STK32B: variants seen among roughly 807,000 people sequenced by gnomAD.
The protein encoded by STK32B is serine/threonine kinase 32B, also known as serine/threonine-protein kinase 32B.
STK32B carries 43 observed loss-of-function variants against 52.6 expected under a neutral mutation model. The ratio of observed to expected loss-of-function variants is 0.82; its 90% CI spans 0.64 to 1.05. The LOEUF (loss-of-function observed/expected upper bound fraction) is 1.05, where lower values mean the gene tolerates loss of function less well. Ranked by LOEUF, STK32B falls within the 50% of genes least tolerant of loss-of-function variation. The pLI is 0.00. For synonymous variants in STK32B, 238 were observed against 204.3 expected, an observed-to-expected ratio of 1.17 and a Z score of -1.41; for missense variants, 621 against 534.6, an observed-to-expected ratio of 1.16 and a Z score of -1.59.
intron 4 of STK32B, among the ~76,000 whole-genome samples, chr4:5,375,050 A>G (rs1042652190): frequency 7.2e-5 from 11 of 152,190 alleles, no homozygotes; most frequent in African/African-American, 2.4e-4. Flanking sequence ...CAAGGAACCA[A>G]TGAACCCGAG....
intron 1 of STK32B, among the ~76,000 whole-genome samples, chr4:5,063,342 A>G (rs1742289091): frequency 6.6e-6 from 1 of 151,968 alleles, no homozygotes; most frequent in Non-Finnish European, 1.5e-5. Context: ...CCCAAAGATT[A>G]TCTTTCTTTT....
chr4:5,269,410 A>G (rs1727272928), intron 3 of STK32B, among the ~76,000 whole-genome samples: 1 of 152,198 alleles, frequency 6.6e-6, no homozygotes, highest in African/African-American at 2.4e-5. Context: ...AGATCAAACT[A>G]TTTCCAACTA....
chr4:5,022,077 C>T, the STK32B span, among the ~76,000 whole-genome samples: 11 of 152,246 alleles, frequency 7.2e-5, no homozygotes, highest in Non-Finnish European at 1.2e-4. Flanking sequence ...GCTTGCCTGC[C>T]GAGCCCAATG....
rs567435253 is a variant in STK32B, at chr4:5,302,151, G to A, written c.261-29069G>A. Among the ~76,000 whole-genome samples, 150 of 151,516 alleles carry A rather than the reference G, an allele frequency of 9.9e-4. 1 individual carries two copies. Among genetic ancestry groups the A allele is most frequent in the African/African-American group, 3.5e-3 (145 of 41,356 alleles). On this transcript the variant is annotated intron_variant, in intron 3 of 11. Coordinates refer to ENST00000282908, the MANE Select transcript of STK32B (RefSeq NM_018401.3). ...TTTGAGTTAAAACAGTCTGATGTAT[G>A]TGTGTATGTGTTTTAGCAACTTTTT...
At chr4:5,164,009 C>T (rs979853770) in intron 2 of STK32B, among the ~76,000 whole-genome samples, 1 of 152,172 alleles carries the variant, frequency 6.6e-6, no homozygotes, top group Non-Finnish European at 1.5e-5. Context: ...CTGGTAGGGC[C>T]GGTTCTGTAG....
At chr4:5,344,804 A>G (rs983364540) in intron 4 of STK32B, among the ~76,000 whole-genome samples, 2 of 152,096 alleles carry the variant, frequency 1.3e-5, no homozygotes, top group Non-Finnish European at 2.9e-5. Flanking sequence ...ATTCAAAGAC[A>G]CTTCGCATTT....
At chr4:5,051,957 C>A (rs752278430) in intron 1 of STK32B, 42 bp downstream of exon 1, 1 of 1,557,324 alleles carries the variant, frequency 6.4e-7, no homozygotes, top group East Asian at 2.4e-5. Context: ...CGCGGGGCAT[C>A]CCCTTCCTCC....
At chr4:5,435,341 T>G (rs182901518) in intron 6 of STK32B, among the ~76,000 whole-genome samples, 1 of 152,292 alleles carries the variant, frequency 6.6e-6, no homozygotes, top group East Asian at 1.9e-4. Context: ...GCTTGATCTG[T>G]TGTTTGCTGT....
chr4:5,395,719 G>A lies in STK32B; in HGVS notation c.435-2488G>A, dbSNP rs1275816724. The stretch of plus-strand genomic sequence containing the variant: ...AAGAGCCAACACAGAAGCAATGTGT[G>A]TTATGTATCAGGTATTTAATCCACA... On this transcript the variant is annotated intron_variant, in intron 4 of 11. Transcript: ENST00000282908. This position sits in a 1 kb window ranked among gnomAD's most constrained non-coding sequence, Gnocchi z 4.4. 6.6e-6 allele frequency among the ~76,000 whole-genome samples: 1 copy of A among 152,240 alleles called. No individual in the cohort carries two copies. The highest frequency in any genetic ancestry group is 1.5e-5 in the Non-Finnish European group (1 of 68,048).
chr4:5,146,506 A>G (rs946502729), intron 2 of STK32B, among the ~76,000 whole-genome samples: 3 of 152,166 alleles, frequency 2.0e-5, no homozygotes, highest in Non-Finnish European at 4.4e-5. Flanking sequence ...TTCTAGCTGG[A>G]CTGGCAGCCG....
chr4:5,280,362 CAT>C (rs1728113939), intron 3 of STK32B, among the ~76,000 whole-genome samples: 1 of 152,126 alleles, frequency 6.6e-6, no homozygotes, highest in Admixed American at 6.5e-5. Context: ...CTTCACTGTC[CAT>C]GTCACTATCA....
intron 3 of STK32B, among the ~76,000 whole-genome samples, chr4:5,274,399 G>A: frequency 6.6e-6 from 1 of 152,118 alleles, no homozygotes; most frequent in African/African-American, 2.4e-5. Flanking sequence ...GGGTAGGGTG[G>A]GACAGACCAT....
chr4:5,347,026 C>G (rs1333630807), intron 4 of STK32B, among the ~76,000 whole-genome samples: 1 of 152,168 alleles, frequency 6.6e-6, no homozygotes, highest in Non-Finnish European at 1.5e-5. Context: ...ATGAGAGAAA[C>G]TGCCCCTGTG....
At chr4:5,072,871 T>C (rs903022805) in intron 1 of STK32B, among the ~76,000 whole-genome samples, 19 of 152,024 alleles carry the variant, frequency 1.2e-4, no homozygotes, top group Admixed American at 1.3e-4. Flanking sequence ...TCAGTGATTA[T>C]GTATTTTCAA....
intron 3 of STK32B, among the ~76,000 whole-genome samples, chr4:5,247,206 T>C (rs964408134): frequency 1.3e-5 from 2 of 152,240 alleles, no homozygotes; most frequent in African/African-American, 4.8e-5. Flanking sequence ...CTCCTTGAGC[T>C]GTGGTCGGCT....
intron 7 of STK32B, among the ~76,000 whole-genome samples, chr4:5,452,221 G>A (rs1716070148): frequency 6.6e-6 from 1 of 152,194 alleles, no homozygotes; most frequent in Admixed American, 6.5e-5. Flanking sequence ...ACCCCAGTCA[G>A]CACTTCTCCT....
In STK32B at chr4:5,428,365, A is replaced by G. The variant is rs532474172; in HGVS notation, c.562+11431A>G. 5.4e-3 allele frequency among the ~76,000 whole-genome samples: 827 copies of G among 152,138 alleles called. 10 individuals are homozygous for G. Among genetic ancestry groups the G allele is most frequent in the African/African-American group, 0.019 (787 of 41,486 alleles). Reference sequence around the variant, plus strand: ...GGAGCTTGCAGTGAGCCGAGATAGCACCACTGCACTCTAGCCTGGGCAACA... The same window carrying G: ...GGAGCTTGCAGTGAGCCGAGATAGCGCCACTGCACTCTAGCCTGGGCAACA... On this transcript the variant is annotated intron_variant, in intron 6 of 11. Transcript: ENST00000282908.
intron 6 of STK32B, among the ~76,000 whole-genome samples, chr4:5,420,817 A>G (rs527744876): frequency 6.6e-6 from 1 of 152,202 alleles, no homozygotes; most frequent in African/African-American, 2.4e-5. Flanking sequence ...GACTGCTTTC[A>G]TGCTGTTTCC....
At chr4:5,407,057 C>G (rs1461661119) in intron 5 of STK32B, among the ~76,000 whole-genome samples, 2 of 152,134 alleles carry the variant, frequency 1.3e-5, no homozygotes, top group African/African-American at 4.8e-5. Context: ...TGAATATAAA[C>G]ATAGGCTGTT....
Sources: allele counts gnomAD v4.1 joint callset (sites outside exome capture counted in the v4.1 genomes callset), GRCh38; gene constraint gnomAD v4.1.1; non-coding constraint Gnocchi (gnomAD v3.1); transcripts MANE v1.5; gene names NCBI Gene and HGNC (gene_info 2026-07-23, HGNC 2026-07-21).